EYS: variants seen among roughly 807,000 people sequenced by gnomAD.
EYS encodes protein eyes shut homolog.
In EYS, 250 loss-of-function variants were observed where a neutral mutation model predicts 282.1. That is an observed-to-expected ratio of 0.89 (90% CI 0.80 to 0.98). The LOEUF (loss-of-function observed/expected upper bound fraction) is 0.98. EYS is among the 50% of genes least tolerant of loss of function. The pLI is 0.00. For missense variants in EYS, 4,016 were observed against 3,709.0 expected (o/e 1.08, Z -2.15); for synonymous variants, 1,355 against 1,282.9 (o/e 1.06, Z -1.20).
At chr6:64,549,064 G>A (rs1003273552) in intron 26 of EYS, among the ~76,000 whole-genome samples, 22 of 152,026 alleles carry the variant, frequency 1.4e-4, no homozygotes, top group African/African-American at 3.9e-4. Flanking sequence ...TATCAAATTC[G>A]GTTCTTTCTT....
intron 22 of EYS, among the ~76,000 whole-genome samples, chr6:64,763,124 A>C (rs1192559203): frequency 1.3e-5 from 2 of 152,170 alleles, no homozygotes; most frequent in Admixed American, 1.3e-4. Context: ...TAAATATTTG[A>C]TATAATGTTA....
intron 34 of EYS, among the ~76,000 whole-genome samples, chr6:63,991,400 G>T (rs184048812): frequency 6.6e-6 from 1 of 151,758 alleles, no homozygotes; most frequent in Admixed American, 6.6e-5. Flanking sequence ...TTTAAAAAGA[G>T]ATCTATATGA....
At chr6:64,843,028 A>G (rs149114052) in intron 19 of EYS, among the ~76,000 whole-genome samples, 54 of 152,208 alleles carry the variant, frequency 3.5e-4, no homozygotes, top group African/African-American at 1.3e-3. Flanking sequence ...CCCTCTCATC[A>G]CAGACCCAGA....
At chr6:64,741,028 G>A (rs1197777991) in intron 22 of EYS, among the ~76,000 whole-genome samples, 1 of 152,082 alleles carries the variant, frequency 6.6e-6, no homozygotes, top group Non-Finnish European at 1.5e-5. Flanking sequence ...TGTTCTTAAT[G>A]ACATCTAGCA....
chr6:64,735,371 C>T (rs751704976), intron 22 of EYS, among the ~76,000 whole-genome samples: 10 of 152,214 alleles, frequency 6.6e-5, no homozygotes, highest in Non-Finnish European at 1.3e-4. Context: ...GCGTGAACCA[C>T]CGTGCCCGGC....
chr6:64,608,266 A>G (rs1251269188), intron 24 of EYS, among the ~76,000 whole-genome samples: 1 of 152,108 alleles, frequency 6.6e-6, no homozygotes, highest in African/African-American at 2.4e-5. Context: ...GAAGTAGGTA[A>G]TATGTGCACA....
intron 31 of EYS, among the ~76,000 whole-genome samples, chr6:64,136,235 C>T (rs1456023641): frequency 6.6e-6 from 1 of 151,824 alleles, no homozygotes; most frequent in South Asian, 2.1e-4. Context: ...AAGTTAGTCA[C>T]ATCTTCAGGC....
intron 29 of EYS, among the ~76,000 whole-genome samples, chr6:64,316,032 A>G (rs1319603911): frequency 1.3e-5 from 2 of 152,228 alleles, no homozygotes; most frequent in African/African-American, 2.4e-5. Context: ...TCATGCTAAA[A>G]ACTCTCAATA....
At chr6:65,318,930 C>T (rs1368298231) in intron 11 of EYS, among the ~76,000 whole-genome samples, 2 of 151,406 alleles carry the variant, frequency 1.3e-5, no homozygotes, top group African/African-American at 4.8e-5. Flanking sequence ...TCGTGAGCCA[C>T]TGCGCCCAGG....
Position 63,895,771 on chromosome 6 carries a change from T to C in EYS, c.7056-31413A>G, listed in dbSNP as rs111729901. On this transcript the variant is annotated intron_variant, in intron 35 of 42. Transcript: ENST00000503581. The stretch of plus-strand genomic sequence containing the variant: ...CTTCCTTCAGTGAAGTACTAAGCCA[T>C]GTGTGTAGTCCTAGTTCCCACCCAC... Among the ~76,000 whole-genome samples the C allele has an allele frequency of 8.7e-3, 1,331 of 152,334 alleles. 13 individuals are homozygous for C. Among genetic ancestry groups the C allele is most frequent in the Middle Eastern group, 0.017 (5 of 294 alleles).
intron 36 of EYS, among the ~76,000 whole-genome samples, chr6:63,858,089 A>G (rs1009525720): frequency 3.3e-5 from 5 of 152,278 alleles, no homozygotes; most frequent in African/African-American, 1.2e-4. Context: ...AGCCTGTTCA[A>G]AGAGCTCAGG....
chr6:64,168,708 C>G (rs1038366659), intron 31 of EYS, among the ~76,000 whole-genome samples: 3 of 151,982 alleles, frequency 2.0e-5, no homozygotes, highest in African/African-American at 7.3e-5. Context: ...AACTTATGGT[C>G]ATAAAAGTGG....
chr6:65,124,479 TA>T (rs1382177193), intron 12 of EYS, among the ~76,000 whole-genome samples: 2 of 152,116 alleles, frequency 1.3e-5, no homozygotes, highest in Non-Finnish European at 2.9e-5. Flanking sequence ...TTTGTCAGAA[TA>T]AAAAATGGAG....
At chr6:65,136,856 AT>A (rs1321911936) in intron 12 of EYS, among the ~76,000 whole-genome samples, 1 of 151,810 alleles carries the variant, frequency 6.6e-6, no homozygotes, top group African/African-American at 2.4e-5. Context: ...TAATTTTTGT[AT>A]TTTTTGTAGA....
chr6:65,047,062 T>C (rs1173729948), intron 13 of EYS, among the ~76,000 whole-genome samples: 2 of 151,724 alleles, frequency 1.3e-5, no homozygotes, highest in African/African-American at 4.8e-5. Flanking sequence ...CCATCCCTCC[T>C]GTACAGCCTG....
intron 5 of EYS, among the ~76,000 whole-genome samples, chr6:65,408,768 T>G (rs13195914): frequency 1.3e-5 from 2 of 152,110 alleles, no homozygotes; most frequent in Admixed American, 1.3e-4. Context: ...TTTAATGTGG[T>G]TTTTTTCCAT....
At chr6:65,440,736 G>T (rs1482004250) in intron 5 of EYS, among the ~76,000 whole-genome samples, 4 of 150,696 alleles carry the variant, frequency 2.7e-5, no homozygotes, top group African/African-American at 9.7e-5. Context: ...GTATCGTTGA[G>T]AAATTTTTTT....
chr6:64,304,898 T>G (rs1006149591), intron 30 of EYS, among the ~76,000 whole-genome samples: 14 of 152,122 alleles, frequency 9.2e-5, no homozygotes, highest in African/African-American at 3.4e-4. Context: ...TCATAGCCAT[T>G]AATGCTTGTG....
chr6:63,738,865 T>C (rs1768999574), intron 41 of EYS, among the ~76,000 whole-genome samples: 2 of 152,136 alleles, frequency 1.3e-5, no homozygotes, highest in Admixed American at 6.6e-5. Context: ...TCAACTAATC[T>C]CCACCCACTA....
Sources: allele counts gnomAD v4.1 joint callset (sites outside exome capture counted in the v4.1 genomes callset), GRCh38; gene constraint gnomAD v4.1.1; transcripts MANE v1.5; gene names NCBI Gene and HGNC (gene_info 2026-07-23, HGNC 2026-07-21).